Variants in CNBD2 observed in about 807,000 individuals in gnomAD.
The protein encoded by CNBD2 is cyclic nucleotide-binding domain-containing protein 2.
In CNBD2, 64 loss-of-function variants were observed where a neutral mutation model predicts 63.7. The observed-to-expected ratio is 1.00, with a 90% confidence interval of 0.82 to 1.24. The LOEUF is 1.24. Among genes scored for constraint, CNBD2 ranks in the 50% most tolerant of loss-of-function variants. CNBD2 has a pLI of 0.00. For synonymous variants in CNBD2, 229 were observed against 255.4 expected (o/e 0.90, Z 0.99); for missense variants, 691 against 713.5 (o/e 0.97, Z 0.36).
upstream of CNBD2, among the ~76,000 whole-genome samples, chr20:35,964,109 C>T (rs2056327276): frequency 6.6e-6 from 1 of 152,252 alleles, no homozygotes; most frequent in Non-Finnish European, 1.5e-5. Context: ...ATAACCACAC[C>T]TCCTGAGCAT....
At chr20:36,019,354 G>A (rs1270151129) in intron 10 of CNBD2, among the ~76,000 whole-genome samples, 7 of 151,544 alleles carry the variant, frequency 4.6e-5, no homozygotes, top group South Asian at 2.1e-4. Flanking sequence ...ATGAAACCCC[G>A]TCTCTACCAA....
intron 8 of CNBD2, among the ~76,000 whole-genome samples, chr20:36,001,149 A>G (rs2056893211): frequency 6.6e-6 from 1 of 152,018 alleles, no homozygotes; most frequent in Non-Finnish European, 1.5e-5. Context: ...TTCTACACAG[A>G]CACGGCAACC....
At chr20:35,986,622 A>G (rs970199130) in intron 6 of CNBD2, among the ~76,000 whole-genome samples, 10 of 152,018 alleles carry the variant, frequency 6.6e-5, no homozygotes, top group Non-Finnish European at 5.9e-5. Context: ...GAGCGTGTTC[A>G]CCTCTGGTGC....
intron 8 of CNBD2, among the ~76,000 whole-genome samples, chr20:36,000,864 C>A (rs1002883358): frequency 6.8e-6 from 1 of 147,880 alleles, no homozygotes; most frequent in African/African-American, 2.5e-5. Context: ...GAACAAAGGT[C>A]TCTGGTTTTC....
chr20:36,027,507 C>T (rs1264933747), intron 11 of CNBD2, among the ~76,000 whole-genome samples: 1 of 152,102 alleles, frequency 6.6e-6, no homozygotes, highest in Middle Eastern at 3.2e-3. Flanking sequence ...AGGTGGCTCA[C>T]AGATTGACGT....
At chr20:36,019,529 G>GA (rs60556168) in intron 10 of CNBD2, among the ~76,000 whole-genome samples, 2,572 of 71,692 alleles carry the variant, frequency 0.036, 85 homozygotes, top group African/African-American at 0.083. Flanking sequence ...CTCAAAAAAA[G>GA]AAAAAAAAAA....
intron 8 of CNBD2, among the ~76,000 whole-genome samples, chr20:36,001,572 C>T (rs530622515): frequency 1.0e-3 from 155 of 149,688 alleles, no homozygotes; most frequent in African/African-American, 3.6e-3. Context: ...GGGTGGCTGC[C>T]GGGCGGAGGG....
chr20:35,959,105 A>C (rs1460457512), downstream of CNBD2: 1 of 152,214 alleles, frequency 6.6e-6, no homozygotes, highest in African/African-American at 2.4e-5. Flanking sequence ...GCTTTGGGTA[A>C]TCACTTATCT....
chr20:35,958,021 T>TG (rs2056273313), downstream of CNBD2, among the ~76,000 whole-genome samples: 2 of 152,244 alleles, frequency 1.3e-5, no homozygotes, highest in African/African-American at 4.8e-5. Context: ...TCCCAGACTC[T>TG]TTCAGAGACC....
chr20:35,967,453 C>T (rs925254932), upstream of CNBD2, among the ~76,000 whole-genome samples: 4 of 149,782 alleles, frequency 2.7e-5, no homozygotes, highest in Non-Finnish European at 4.4e-5. Flanking sequence ...GGTTTCACCA[C>T]ATTGGCCAGG....
At chr20:36,001,277 C>A (rs2056895707) in intron 8 of CNBD2, among the ~76,000 whole-genome samples, 1 of 151,594 alleles carries the variant, frequency 6.6e-6, no homozygotes, top group Admixed American at 6.6e-5. Context: ...GGGGTGGTGG[C>A]CGGGCAGAGG....
chr20:36,000,753 ATTT>A (rs34139279), intron 8 of CNBD2, among the ~76,000 whole-genome samples: 2 of 121,618 alleles, frequency 1.6e-5, no homozygotes, highest in Non-Finnish European at 1.7e-5. Context: ...TGTGTATGAA[ATTT>A]TTTTTTTTTT....
At chr20:35,995,499 A>G (rs577576307) in intron 8 of CNBD2, among the ~76,000 whole-genome samples, 2 of 152,050 alleles carry the variant, frequency 1.3e-5, no homozygotes, top group South Asian at 2.1e-4. Flanking sequence ...TGGACTTTTC[A>G]TATAAATAGC....
In CNBD2 at chr20:35,972,782, C is replaced by T. The variant is rs1317581247; in HGVS notation, c.189+16C>T. The T allele has an allele frequency of 1.9e-6, 3 of 1,613,828 alleles. No homozygotes were observed. In the Admixed American group the frequency reaches 5.0e-5, roughly 27 times the overall value. On this transcript the variant is annotated intron_variant, in intron 2 of 11. Coordinates refer to ENST00000373973, the MANE Select transcript of CNBD2 (RefSeq NM_001365709.1). ...CTTCTGGGATGTAAGCAGTTGGGCT[C>T]AGCAGGATTATGAGGGCTCAAAGAA...
At chr20:35,956,018 G>A (rs1251778689), downstream of CNBD2, among the ~76,000 whole-genome samples, 1 of 152,190 alleles carries the variant, frequency 6.6e-6, no homozygotes, top group African/African-American at 2.4e-5. Flanking sequence ...ACCGTGCCGG[G>A]CCACAAATAG....
At chr20:36,022,195 CTTTTTTTT>C (rs753206662) in intron 10 of CNBD2, among the ~76,000 whole-genome samples, 1 of 56,310 alleles carries the variant, frequency 1.8e-5, no homozygotes, top group East Asian at 6.2e-4. Flanking sequence ...TTTTTTTTTT[CTTTTTTTT>C]TTTTTTTTTT....
At chr20:35,991,167 T>C (rs1016081810) in intron 7 of CNBD2, among the ~76,000 whole-genome samples, 13 of 152,224 alleles carry the variant, frequency 8.5e-5, no homozygotes, top group African/African-American at 1.4e-4. Context: ...TGTCCAATCA[T>C]GTTTGAGTTG....
intron 10 of CNBD2, among the ~76,000 whole-genome samples, chr20:36,013,466 G>A (rs1203508701): frequency 6.6e-6 from 1 of 152,110 alleles, no homozygotes; most frequent in Non-Finnish European, 1.5e-5. Flanking sequence ...TGGATCTGAG[G>A]AAGGAATACA....
upstream of CNBD2, among the ~76,000 whole-genome samples, chr20:35,967,904 C>T (rs544713730): frequency 7.2e-5 from 11 of 152,266 alleles, no homozygotes; most frequent in Non-Finnish European, 1.5e-4. Flanking sequence ...CAAATTGAGA[C>T]TTAGCTTAGG....
Sources: gnomAD v4.1 joint callset for allele counts (sites outside exome capture counted in the v4.1 genomes callset) on GRCh38, gnomAD v4.1.1 for gene constraint, MANE v1.5 for transcripts, NCBI Gene and HGNC (gene_info 2026-07-23, HGNC 2026-07-21) for gene names.